Variants in GP6 observed in about 807,000 individuals in gnomAD.
GP6 encodes platelet glycoprotein VI.
A neutral mutation model predicts 37.3 loss-of-function variants in GP6; 45 were observed. The ratio of observed to expected loss-of-function variants is 1.21; its 90% CI spans 0.95 to 1.55. GP6 has a LOEUF of 1.55. GP6 is among the 40% of genes most tolerant of loss of function. The probability of loss-of-function intolerance (pLI) is 0.00; values close to 1 mark genes in which losing one functional copy is unlikely to be tolerated. For synonymous variants in GP6, 340 were observed against 316.4 expected (o/e 1.07, Z -0.79); for missense variants, 813 against 760.2 (o/e 1.07, Z -0.82).
In GP6 at chr19:55,018,695, G is replaced by A. The variant is rs981606056; in HGVS notation, c.681C>T (p.Thr227=). 9 of 1,608,358 alleles carry A rather than the reference G, an allele frequency of 5.6e-6. No homozygotes were observed. Among genetic ancestry groups the A allele is most frequent in the South Asian group, 3.3e-5 (3 of 90,980 alleles). ...TTGTGAATGAGACGGTCAGTTCAGC[G>A]GTGGCTTCTGAGAATTCTAAGAAAG... Residue 227 remains threonine (T), a synonymous_variant, in exon 6 of 8, where the codon ACC becomes ACT. Coordinates refer to ENST00000310373, the MANE Select transcript of GP6 (RefSeq NM_001083899.2).
At position 55,014,793 on chromosome 19, in the gene GP6, A is replaced by G. The variant is rs1568587541; in HGVS notation, c.1152T>C (p.Ala384=). 6.2e-7 allele frequency: 1 copy of G among 1,613,914 alleles called. No homozygotes were observed. The highest frequency in any genetic ancestry group is 8.5e-7 in the Non-Finnish European group (1 of 1,179,912). ...CCCTGATGGAACACCAGGAGGAGGC[A>G]GCATGGCCTCGTTTCCACAGCTGTA... The change falls in exon 8 of 8, where the codon GCT becomes GCC. Residue 384 remains alanine (A), a synonymous_variant. Coordinates refer to ENST00000310373, the MANE Select transcript of GP6 (RefSeq NM_001083899.2).
rs767614700 is a variant in GP6, at chr19:55,014,763, C to T, written c.1182G>A (p.Pro394=). 2.1e-5 allele frequency: 34 copies of T among 1,613,628 alleles called. No homozygotes were observed. The highest frequency in any genetic ancestry group is 3.3e-5 in the Admixed American group (2 of 59,920). The change falls in exon 8 of 8, where the codon CCG becomes CCA. Residue 394 remains proline (P), a synonymous_variant. Transcript: ENST00000310373. Reference sequence around the variant, plus strand: ...GACAGACAGACAGACACTGGCCGAACGGCTCCCTGATGGAACACCAGGAGG... The same window carrying T: ...GACAGACAGACAGACACTGGCCGAATGGCTCCCTGATGGAACACCAGGAGG...
At chr19:55,024,363 T>TGCACACACGCAC (rs1568613756) in intron 5 of GP6, among the ~76,000 whole-genome samples, 7 of 143,714 alleles carry the variant, frequency 4.9e-5, no homozygotes, top group Admixed American at 2.7e-4. Flanking sequence ...CACACACACA[T>TGCACACACGCAC]ATGCACGCAC....
chr19:55,020,341 G>A (rs2074033609), intron 5 of GP6, among the ~76,000 whole-genome samples: 1 of 151,726 alleles, frequency 6.6e-6, no homozygotes, highest in Non-Finnish European at 1.5e-5. Context: ...AGCCCCACAC[G>A]CATCAGCTAT....
In GP6 at chr19:55,022,477, C is replaced by A. The variant is rs4806632; in HGVS notation, c.664+2741G>T. On this transcript the variant is annotated intron_variant, in intron 5 of 7. Coordinates refer to ENST00000310373, the MANE Select transcript of GP6 (RefSeq NM_001083899.2). ...ACAAGGATGCCCTCTTTCACCACTC[C>A]TATTCAACATAGTATTGGAAGTTCT... Among the ~76,000 whole-genome samples, 4 of 152,084 alleles carry A rather than the reference C, an allele frequency of 2.6e-5. No individual in the cohort carries two copies. The East Asian group carries it at 7.7e-4, about 29-fold the overall frequency.
In GP6 at chr19:55,014,842, C is replaced by G; in HGVS notation, c.1103G>C (p.Ser368Thr). Residue 368 changes from serine to threonine, a missense_variant, in exon 8 of 8, where the codon AGC becomes ACC. Ser to Thr is a moderately conservative substitution (Grantham distance 58, BLOSUM62 1). Transcript: ENST00000310373. ...TAGCCTCTGCCCTCCTGCTTCCACGCTCCACACACGCCAGTCTTTGAGTCG... is the reference window on the plus strand; with the variant it reads ...TAGCCTCTGCCCTCCTGCTTCCACGGTCCACACACGCCAGTCTTTGAGTCG... The G allele has an allele frequency of 1.2e-6, 2 of 1,614,088 alleles. No individual in the cohort carries two copies. Among genetic ancestry groups the G allele is most frequent in the Non-Finnish European group, 1.7e-6 (2 of 1,179,998 alleles).
chr19:55,029,936 C>T (rs914349801), intron 3 of GP6, among the ~76,000 whole-genome samples: 15 of 152,024 alleles, frequency 9.9e-5, no homozygotes, highest in South Asian at 2.1e-4. Flanking sequence ...ATTTATAACG[C>T]GGAATAGACC....
rs372175929 is a variant in GP6, at chr19:55,014,346, G to C, written c.1599C>G (p.Phe533Leu). ...ACAGGCTGATCTTGTTTTCTAATGT[G>C]AAGGGAAGCGGGCAACGTGCTAGTT... Residue 533 changes from phenylalanine (F) to leucine (L), a missense_variant, in exon 8 of 8, where the codon TTC becomes TTG. Transcript: ENST00000310373. The C allele has an allele frequency of 3.2e-5, 52 of 1,609,116 alleles. No individual in the cohort carries two copies. The Middle Eastern group carries it at 6.6e-4, about 20-fold the overall frequency.
In GP6 at chr19:55,027,612, T is replaced by G. The variant is rs1654425; in HGVS notation, c.576A>C (p.Ser192=). Residue 192 remains serine (S), a synonymous_variant, in exon 4 of 8, where the codon TCA becomes TCC. Transcript: ENST00000310373. ...CAAGCTCCAGGGGGTCGCTGGGGGC[T>G]GACCACAGGTATGGGTCCCTGCTGG... The G allele has an allele frequency of 4.8e-5, 78 of 1,613,120 alleles. No homozygotes were observed. The highest frequency in any genetic ancestry group is 6.2e-5 in the Non-Finnish European group (73 of 1,179,302).
intron 5 of GP6, among the ~76,000 whole-genome samples, chr19:55,019,700 CAG>C (rs1419524896): frequency 1.6e-5 from 2 of 121,726 alleles, no homozygotes; most frequent in Non-Finnish European, 3.3e-5. Context: ...TTTTTTGAGA[CAG>C]AGTCTTACTC....
chr19:55,018,776 C>A, intron 5 of GP6, 65 bp from the exon 6 acceptor site: 6 of 1,070,128 alleles, frequency 5.6e-6, no homozygotes, highest in South Asian at 1.2e-5. Context: ...TATCTCCATT[C>A]CCCTTTTGAG....
chr19:55,013,843 A>G lies in GP6; in HGVS notation c.*239T>C, dbSNP rs2073735945. On this transcript the variant is annotated 3_prime_UTR_variant, in exon 8 of 8. Coordinates refer to ENST00000310373, the MANE Select transcript of GP6 (RefSeq NM_001083899.2). ...AGTGCTAGGATTACAGACATGATCCACTGCACTTGGCCCAGTGGTACAGTT... is the reference window on the plus strand; with the variant it reads ...AGTGCTAGGATTACAGACATGATCCGCTGCACTTGGCCCAGTGGTACAGTT... The G allele has an allele frequency of 2.9e-6, 1 of 347,342 alleles. No individual in the cohort carries two copies. Among genetic ancestry groups the G allele is most frequent in the African/African-American group, 2.1e-5 (1 of 46,662 alleles). 21.5% of individuals were successfully genotyped at this position (347,342 alleles called of 1,614,324 possible). A position where few individuals can be genotyped will look rare whatever the true frequency, so the allele number is the denominator to read the frequency against.
At chr19:55,034,909 C>G (rs1177306883) in intron 1 of GP6, among the ~76,000 whole-genome samples, 1 of 152,156 alleles carries the variant, frequency 6.6e-6, no homozygotes, top group Non-Finnish European at 1.5e-5. Flanking sequence ...AGCCACCACC[C>G]TTTGTCCACC....
At chr19:55,021,363 CAAA>C (rs71181728) in intron 5 of GP6, among the ~76,000 whole-genome samples, 61 of 142,022 alleles carry the variant, frequency 4.3e-4, no homozygotes, top group Admixed American at 4.9e-4. Flanking sequence ...TACTACATCT[CAAA>C]AAAAAAAAAA....
At chr19:55,020,922 T>A (rs1003434605) in intron 5 of GP6, among the ~76,000 whole-genome samples, 23 of 151,420 alleles carry the variant, frequency 1.5e-4, no homozygotes, top group African/African-American at 5.6e-4. Flanking sequence ...CGTTGTGGCA[T>A]GCACCTGCAG....
chr19:55,032,239 G>A lies in GP6; in HGVS notation c.225C>T (p.Ile75=), dbSNP rs189503167. ...CAGCCAGACTTCTCTTCATGGCCGGGATGAAGAGGACTGCCTGATCCTGGT... is the reference window on the plus strand; with the variant it reads ...CAGCCAGACTTCTCTTCATGGCCGGAATGAAGAGGACTGCCTGATCCTGGT... Residue 75 remains isoleucine (I), a synonymous_variant, in exon 3 of 8, where the codon ATC becomes ATT. Coordinates refer to ENST00000310373, the MANE Select transcript of GP6 (RefSeq NM_001083899.2). 1.8e-4 allele frequency: 291 copies of A among 1,613,962 alleles called. No homozygotes were observed. In the African/African-American group the frequency reaches 3.4e-3, roughly 19 times the overall value.
intron 6 of GP6, 37 bp from the exon 7 acceptor site, chr19:55,015,770 C>T: frequency 9.1e-7 from 1 of 1,096,224 alleles, no homozygotes; most frequent in East Asian, 2.4e-5. Flanking sequence ...GAAATGAAAC[C>T]ATATTCCCGC....
chr19:55,023,111 A>C (rs961105900), intron 5 of GP6, among the ~76,000 whole-genome samples: 1 of 152,206 alleles, frequency 6.6e-6, no homozygotes, highest in Admixed American at 6.5e-5. Flanking sequence ...ACTATATTAC[A>C]AGGTGATAGT....
intron 5 of GP6, among the ~76,000 whole-genome samples, chr19:55,021,912 T>C (rs1457855403): frequency 2.0e-5 from 3 of 152,156 alleles, no homozygotes; most frequent in Non-Finnish European, 4.4e-5. Context: ...TTGGTGATGT[T>C]GAGCTTTTTT....
Sources: gnomAD v4.1 joint callset for allele counts (sites outside exome capture counted in the v4.1 genomes callset) on GRCh38, gnomAD v4.1.1 for gene constraint, MANE v1.5 for transcripts, NCBI Gene and HGNC (gene_info 2026-07-23, HGNC 2026-07-21) for gene names.